ZFAT: variants seen among roughly 807,000 people sequenced by gnomAD.
The protein encoded by ZFAT is zinc finger protein ZFAT.
ZFAT carries 64 observed loss-of-function variants against 117.7 expected under a neutral mutation model. The observed-to-expected ratio is 0.54, with a 90% CI of 0.44 to 0.67. The LOEUF (loss-of-function observed/expected upper bound fraction) is 0.67. Ranked by LOEUF, ZFAT falls within the 30% of genes least tolerant of loss-of-function variation. The probability of loss-of-function intolerance (pLI) is 0.00; values close to 1 mark genes in which losing one functional copy is unlikely to be tolerated. For missense variants in ZFAT, 1,433 were observed against 1,584.5 expected (o/e 0.90, Z 1.62); for synonymous variants, 679 against 615.0 (o/e 1.10, Z -1.54).
chr8:134,621,813 A>C (rs571310408), intron 3 of ZFAT, among the ~76,000 whole-genome samples: 1 of 152,340 alleles, frequency 6.6e-6, no homozygotes, highest in East Asian at 1.9e-4. Context: ...AAACAGCATT[A>C]AAACTACTGA....
chr8:134,774,476 A>G, the ZFAT span, among the ~76,000 whole-genome samples: 15 of 152,220 alleles, frequency 9.9e-5, no homozygotes. Context: ...ATCAACAGCC[A>G]TCAACATCAA....
the ZFAT span, among the ~76,000 whole-genome samples, chr8:134,727,180 G>T: frequency 6.6e-6 from 1 of 152,144 alleles, no homozygotes; most frequent in African/African-American, 2.4e-5. Context: ...GAATGTGTCT[G>T]CAGGAAGTGA....
the ZFAT span, chr8:134,765,850 T>C: frequency 2.0e-5 from 3 of 152,074 alleles, no homozygotes; most frequent in African/African-American, 7.2e-5. Flanking sequence ...ACAGGTGCTG[T>C]TGCTTACAGT....
At chr8:134,771,774 C>T in the ZFAT span, among the ~76,000 whole-genome samples, 1 of 152,208 alleles carries the variant, frequency 6.6e-6, no homozygotes, top group Non-Finnish European at 1.5e-5. Flanking sequence ...TGTTTTAACA[C>T]TGTTGATAAA....
At chr8:134,611,242 G>A (rs1215280304) in intron 3 of ZFAT, among the ~76,000 whole-genome samples, 1 of 152,228 alleles carries the variant, frequency 6.6e-6, no homozygotes, top group Non-Finnish European at 1.5e-5. Flanking sequence ...TCCACTTCGT[G>A]GGGAGGTAAA....
At chr8:134,488,650 A>G (rs1271653013) in intron 15 of ZFAT, among the ~76,000 whole-genome samples, 2 of 152,118 alleles carry the variant, frequency 1.3e-5, no homozygotes, top group Non-Finnish European at 2.9e-5. Flanking sequence ...GGAGGCTAGA[A>G]ACAGAACCAT....
Position 134,588,341 on chromosome 8 carries a change from C to G in ZFAT, c.2618G>C (p.Gly873Ala), listed in dbSNP as rs1370428856. 2 of 1,593,240 alleles carry G rather than the reference C, an allele frequency of 1.3e-6. No individual in the cohort carries two copies. Among genetic ancestry groups the G allele is most frequent in the Non-Finnish European group, 1.7e-6 (2 of 1,169,348 alleles). Reference sequence around the variant, plus strand: ...TTTCATGGCTCTCTTTCCAATTAGCCCTTTCAGCTGAACCCTCCTCCCGAG... The same window carrying G: ...TTTCATGGCTCTCTTTCCAATTAGCGCTTTCAGCTGAACCCTCCTCCCGAG... ...EVLGRRVQLKGLIGKRAMKCP... is the reference protein window; with the variant it reads ...EVLGRRVQLKALIGKRAMKCP... The change falls in exon 9 of 16, where the codon GGG becomes GCG. Residue 873 changes from glycine to alanine, a missense_variant. Around this residue, in one of 5 missense-constraint regions of ZFAT, gnomAD observed 503 missense variants for 543.4 expected, o/e 0.93. Coordinates refer to ENST00000377838, the MANE Select transcript of ZFAT (RefSeq NM_020863.4).
chr8:134,659,578 T>C (rs1389512492), intron 1 of ZFAT, among the ~76,000 whole-genome samples: 1 of 152,206 alleles, frequency 6.6e-6, no homozygotes, highest in African/African-American at 2.4e-5. Context: ...TGATGGCTTG[T>C]GCGTGCAGAA....
the ZFAT span, among the ~76,000 whole-genome samples, chr8:134,828,883 C>T: frequency 1.3e-5 from 2 of 152,174 alleles, no homozygotes; most frequent in Non-Finnish European, 1.5e-5. Flanking sequence ...GAAAATCAAG[C>T]CTTTAATTCT....
chr8:134,655,519 G>A (rs1831543425), intron 2 of ZFAT, among the ~76,000 whole-genome samples: 1 of 151,982 alleles, frequency 6.6e-6, no homozygotes, highest in South Asian at 2.1e-4. Context: ...GTGGTGGCGG[G>A]TGCCTGTAGT....
intron 12 of ZFAT, among the ~76,000 whole-genome samples, chr8:134,521,938 A>T (rs1490241059): frequency 6.6e-6 from 1 of 152,046 alleles, no homozygotes; most frequent in Non-Finnish European, 1.5e-5. Context: ...CCAGCAGGTC[A>T]TTCCCTAGTC....
chr8:134,557,090 A>T (rs1823686007), intron 11 of ZFAT, among the ~76,000 whole-genome samples: 1 of 152,186 alleles, frequency 6.6e-6, no homozygotes, highest in Admixed American at 6.5e-5. Context: ...GTAGGAGGAG[A>T]GTAAATGAAT....
At chr8:134,544,465 AAATTT>A (rs1174129672) in intron 11 of ZFAT, among the ~76,000 whole-genome samples, 1 of 151,870 alleles carries the variant, frequency 6.6e-6, no homozygotes, top group Non-Finnish European at 1.5e-5. Context: ...TAAAAAAATT[AAATTT>A]AAGAACTTTA....
At chr8:134,809,489 T>C in the ZFAT span, among the ~76,000 whole-genome samples, 1 of 152,206 alleles carries the variant, frequency 6.6e-6, no homozygotes, top group Admixed American at 6.5e-5. Context: ...TGAGGGTTCC[T>C]TGGACAAGAG....
the ZFAT span, among the ~76,000 whole-genome samples, chr8:134,775,207 T>C: frequency 3.3e-5 from 5 of 152,182 alleles, no homozygotes; most frequent in African/African-American, 9.6e-5. Context: ...ATATATGAAG[T>C]CCCCGTGGAT....
At chr8:134,698,962 T>C (rs746534747) in intron 1 of ZFAT, among the ~76,000 whole-genome samples, 1 of 152,228 alleles carries the variant, frequency 6.6e-6, no homozygotes, top group Non-Finnish European at 1.5e-5. Flanking sequence ...GATTACTTTG[T>C]CTTCTAAAAA....
chr8:134,505,445 G>A (rs1819331450), intron 15 of ZFAT, among the ~76,000 whole-genome samples: 1 of 152,164 alleles, frequency 6.6e-6, no homozygotes, highest in Admixed American at 6.5e-5. Flanking sequence ...CTGTGAATAT[G>A]TTGCCTTATA....
the ZFAT span, among the ~76,000 whole-genome samples, chr8:134,815,833 C>T: frequency 6.6e-6 from 1 of 152,306 alleles, no homozygotes; most frequent in African/African-American, 2.4e-5. Flanking sequence ...CTGAAGTGGG[C>T]TTTCACCACA....
chr8:134,722,398 G>A, the ZFAT span, among the ~76,000 whole-genome samples: 1 of 152,202 alleles, frequency 6.6e-6, no homozygotes, highest in South Asian at 2.1e-4. Flanking sequence ...CATCATTCAG[G>A]TGGCTGTTTT....
Sources: allele counts gnomAD v4.1 joint callset (sites outside exome capture counted in the v4.1 genomes callset), GRCh38; gene constraint gnomAD v4.1.1; regional missense constraint gnomAD v4.1.1; transcripts MANE v1.5; gene names NCBI Gene and HGNC (gene_info 2026-07-23, HGNC 2026-07-21).